The following XIST variants were observed in gnomAD, a reference collection of about 807,000 sequenced individuals.
XIST encodes the protein X inactive specific transcript, also known as X inactive specific transcript (non-protein coding).
chrX:73,845,533 G>T (rs1383909013), exon 1 of XIST: 1 of 554,826 alleles, frequency 1.8e-6, no homozygotes, highest in Admixed American at 2.2e-5. Flanking sequence ...GGCAGGGGAG[G>T]CTTTCATGTC....
At chrX:73,836,873 G>A (rs753565458) in intron 2 of XIST, among the ~76,000 whole-genome samples, 15 of 111,677 alleles carry the variant, frequency 1.3e-4, no homozygotes, top group African/African-American at 4.9e-4. Flanking sequence ...AAAGCCAAAT[G>A]AAAGACCTCC....
chrX:73,843,737 GGCAC>G (rs1227352227), exon 1 of XIST: 2 of 556,020 alleles, frequency 3.6e-6, no homozygotes, highest in Non-Finnish European at 6.5e-6. Context: ...TTGAGTAGTG[GGCAC>G]TACCTGCTAA....
exon 1 of XIST, chrX:73,852,681 A>C: frequency 2.1e-6 from 1 of 465,994 alleles, no homozygotes; most frequent in Non-Finnish European, 3.7e-6. Context: ...ATCTTCAGTC[A>C]GGAAGCTTCC....
At position 73,828,923 on chromosome X, in the gene XIST, T is replaced by C. The variant is rs1348592733; in HGVS notation, n.11916+145A>G. 72 of 412,870 alleles carry C rather than the reference T, an allele frequency of 1.7e-4. 1 individual carries two copies. The highest frequency in any genetic ancestry group is 2.0e-4 in the Non-Finnish European group (48 of 236,683). The allele number at this position is 412,870 out of a possible 1,213,427, so 34.0% of individuals were successfully genotyped here. On this transcript the variant is annotated intron_variant and non_coding_transcript_variant, in intron 5 of 5. Transcript: ENST00000429829. Reference sequence around the variant, plus strand: ...TTGCTTCAGTGAACCCAGTCAGTAATATGGAAGACTGGTCATCTTTCCATC... The same window carrying C: ...TTGCTTCAGTGAACCCAGTCAGTAACATGGAAGACTGGTCATCTTTCCATC...
exon 4 of XIST, chrX:73,831,231 T>A (rs1290925492): frequency 1.8e-6 from 1 of 551,039 alleles, no homozygotes; most frequent in Admixed American, 2.3e-5. Context: ...AGGGAATGGA[T>A]CACTAACACT....
rs772968856 is a variant in XIST at position 73,845,456 on chromosome X, C to T, written n.7268G>A. 7.3e-6 allele frequency: 4 copies of T among 548,643 alleles called. No individual in the cohort carries two copies. In the Admixed American group the frequency reaches 9.1e-5, roughly 13 times the overall value. 45.2% of individuals were successfully genotyped at this position (548,643 alleles called of 1,213,427 possible). A position where few individuals can be genotyped will look rare whatever the true frequency, so the allele number is the denominator to read the frequency against. On this transcript the variant is annotated non_coding_transcript_exon_variant, in exon 1 of 6. Transcript: ENST00000429829. ...CTTACAATTGTGCACCTTGATTGTC[C>T]AAATGTAAGGGTATATGGAGTGGAC...
chrX:73,830,276 T>C (rs1922353222), intron 4 of XIST, among the ~76,000 whole-genome samples: 1 of 112,310 alleles, frequency 8.9e-6, no homozygotes, highest in African/African-American at 3.2e-5. Context: ...TTTCTAACAA[T>C]TTGTTAGTAA....
At chrX:73,844,146 G>C (rs957516536) in exon 1 of XIST, 7 of 556,624 alleles carry the variant, frequency 1.3e-5, no homozygotes, top group Middle Eastern at 6.1e-4. Context: ...CAACATAAAT[G>C]CAATTATGCA....
At chrX:73,846,546 G>A (rs759927952) in exon 1 of XIST, 6 of 557,529 alleles carry the variant, frequency 1.1e-5, no homozygotes, top group African/African-American at 2.2e-5. Flanking sequence ...CACATGGAAT[G>A]AGCAGTGTGC....
In XIST at chrX:73,822,276, T is replaced by A. The variant is rs1323047805; in HGVS notation, n.17625A>T. On this transcript the variant is annotated non_coding_transcript_exon_variant, in exon 6 of 6. Coordinates refer to ENST00000429829, the Ensembl canonical transcript of XIST. ...CCTGTAACTTAAGGAGCAAGCTCAC[T>A]ACAAAACCCAGCTACCTGCTTATCG... 5.4e-6 allele frequency: 3 copies of A among 556,616 alleles called. No individual in the cohort carries two copies. The South Asian group carries it at 6.7e-5, about 12-fold the overall frequency. 45.9% of individuals were successfully genotyped at this position (556,616 alleles called of 1,213,427 possible).
rs925870145 is a variant in XIST, at chrX:73,852,634, T to C, written n.90A>G. On this transcript the variant is annotated non_coding_transcript_exon_variant, in exon 1 of 6. Transcript: ENST00000429829. ...TACGCCATAAAGGGTGTTGGGGGACTAGAAAATGTTCTAGAAAGAACCCCA... is the reference window on the plus strand; with the variant it reads ...TACGCCATAAAGGGTGTTGGGGGACCAGAAAATGTTCTAGAAAGAACCCCA... 7 of 485,899 alleles carry C rather than the reference T, an allele frequency of 1.4e-5. No homozygotes were observed. In the African/African-American group the frequency reaches 1.7e-4, roughly 12 times the overall value. 40.0% of individuals were successfully genotyped at this position (485,899 alleles called of 1,213,427 possible).
chrX:73,829,413 G>T (rs1031307100), intron 4 of XIST: 10 of 383,853 alleles, frequency 2.6e-5, no homozygotes, highest in Non-Finnish European at 4.1e-5. Context: ...TAGGAAACTG[G>T]CATAAATGGG....
chrX:73,835,661 A>G (rs997177014), intron 2 of XIST, among the ~76,000 whole-genome samples: 6 of 112,033 alleles, frequency 5.4e-5, no homozygotes, highest in Non-Finnish European at 1.1e-4. Context: ...GTACATAATA[A>G]TATTTTTCTT....
intron 2 of XIST, chrX:73,833,590 G>A (rs1390813508): frequency 3.8e-6 from 1 of 266,578 alleles, no homozygotes; most frequent in African/African-American, 2.8e-5. Flanking sequence ...TGAAGAAAAA[G>A]AACTACATGA....
At chrX:73,843,926 T>C in exon 1 of XIST, 1 of 557,075 alleles carries the variant, frequency 1.8e-6, no homozygotes. Flanking sequence ...CAAAAGAAAA[T>C]TTCAATTATA....
exon 6 of XIST, chrX:73,823,337 G>A (rs1176107940): frequency 8.3e-6 from 4 of 479,294 alleles, no homozygotes; most frequent in Non-Finnish European, 1.4e-5. Context: ...AATCTCAAAG[G>A]CAATTGAGTG....
exon 1 of XIST, chrX:73,850,757 T>TGGGG: frequency 8.5e-6 from 1 of 118,095 alleles, no homozygotes; most frequent in South Asian, 6.4e-5. Flanking sequence ...GTTGGGGGGG[T>TGGGG]TGGGGGGTGG....
At chrX:73,836,320 C>A (rs1922482015) in intron 2 of XIST, among the ~76,000 whole-genome samples, 1 of 111,800 alleles carries the variant, frequency 8.9e-6, no homozygotes, top group Non-Finnish European at 1.9e-5. Context: ...ACATTTAGGG[C>A]AGAAGGGTCA....
intron 2 of XIST, among the ~76,000 whole-genome samples, chrX:73,835,129 CA>C: frequency 9.0e-6 from 1 of 111,590 alleles, no homozygotes; most frequent in East Asian, 2.8e-4. Context: ...TCCCACAATT[CA>C]AAGGTCTTTT....
Sources: allele counts gnomAD v4.1 joint callset (sites outside exome capture counted in the v4.1 genomes callset), GRCh38; gene constraint gnomAD v4.1.1; transcripts MANE v1.5; gene names NCBI Gene and HGNC (gene_info 2026-07-23, HGNC 2026-07-21).